Variants in CALB2 observed in about 807,000 individuals in gnomAD.
CALB2 encodes calretinin.
Under a neutral mutation model 45.9 loss-of-function variants are expected in CALB2, and 34 were observed. That is an observed-to-expected ratio of 0.74 (90% CI 0.56 to 0.99). CALB2 has a LOEUF of 0.99. CALB2 is among the 50% of genes least tolerant of loss of function. The pLI, the probability that CALB2 is intolerant of heterozygous loss-of-function variation, is 0.00. For missense variants in CALB2, 344 were observed against 339.3 expected, an observed-to-expected ratio of 1.01 and a Z score of -0.11; for synonymous variants, 142 against 129.6, an observed-to-expected ratio of 1.10 and a Z score of -0.65.
intron 1 of CALB2, among the ~76,000 whole-genome samples, chr16:71,369,656 C>T (rs947622275): frequency 2.0e-5 from 3 of 152,190 alleles, no homozygotes; most frequent in Non-Finnish European, 2.9e-5. Context: ...AACCATGACA[C>T]GCACTCGTGG....
At chr16:71,374,260 A>G (rs929246294) in intron 2 of CALB2, among the ~76,000 whole-genome samples, 1 of 152,228 alleles carries the variant, frequency 6.6e-6, no homozygotes, top group Admixed American at 6.5e-5. Flanking sequence ...TATGAAAATC[A>G]AGAGTGAAAA....
intron 6 of CALB2, among the ~76,000 whole-genome samples, chr16:71,383,727 C>T (rs1199480318): frequency 6.6e-6 from 1 of 152,158 alleles, no homozygotes; most frequent in Non-Finnish European, 1.5e-5. Flanking sequence ...TAGTGCCGGC[C>T]TGCTGTGCCT....
intron 1 of CALB2, among the ~76,000 whole-genome samples, chr16:71,360,552 C>T (rs1028446514): frequency 2.6e-5 from 4 of 152,190 alleles, no homozygotes; most frequent in African/African-American, 4.8e-5. Context: ...TTATCTGCAC[C>T]AGACTTGCAT....
At chr16:71,380,780 T>A (rs556226739) in intron 4 of CALB2, among the ~76,000 whole-genome samples, 3 of 152,232 alleles carry the variant, frequency 2.0e-5, no homozygotes, top group African/African-American at 4.8e-5. Flanking sequence ...CCTGAAATGG[T>A]CCCTCAGTAG....
chr16:71,362,572 T>C (rs531407072), intron 1 of CALB2, among the ~76,000 whole-genome samples: 1 of 152,320 alleles, frequency 6.6e-6, no homozygotes, highest in African/African-American at 2.4e-5. Flanking sequence ...AAAATAAATA[T>C]GGTCATCCCT....
chr16:71,374,627 A>G, intron 2 of CALB2, 118 bp from the exon 3 acceptor site: 1 of 676,490 alleles, frequency 1.5e-6, no homozygotes, highest in Non-Finnish European at 2.7e-6. Context: ...GAGCATCAGC[A>G]CAACTTGGTT....
intron 4 of CALB2, among the ~76,000 whole-genome samples, chr16:71,382,202 G>C (rs938777151): frequency 7.5e-6 from 1 of 132,908 alleles, no homozygotes; most frequent in Admixed American, 7.8e-5. Context: ...AAAAAAATTA[G>C]AAATATGTGG....
At chr16:71,358,994 G>T (rs575232191) in intron 1 of CALB2, 108 bp downstream of exon 1, 21 of 959,680 alleles carry the variant, frequency 2.2e-5, no homozygotes, top group South Asian at 9.4e-5. Flanking sequence ...CCCTCAGGAG[G>T]TGGTCTGGTC....
At chr16:71,389,269 C>T (rs940600951) in intron 10 of CALB2, among the ~76,000 whole-genome samples, 4 of 151,824 alleles carry the variant, frequency 2.6e-5, no homozygotes, top group East Asian at 3.9e-4. Flanking sequence ...GAAGGCAAGA[C>T]CAGGGAGCTT....
At chr16:71,366,257 A>C (rs1422012048) in intron 1 of CALB2, among the ~76,000 whole-genome samples, 3 of 146,780 alleles carry the variant, frequency 2.0e-5, no homozygotes, top group Non-Finnish European at 3.0e-5. Context: ...CAATCTCCTG[A>C]TCTGTGATCC....
chr16:71,369,500 A>AGTGGAGGC (rs895813066), intron 1 of CALB2, among the ~76,000 whole-genome samples: 5 of 152,178 alleles, frequency 3.3e-5, no homozygotes, highest in African/African-American at 1.2e-4. Flanking sequence ...TTCAGAGCTA[A>AGTGGAGGC]GTGGAGGCGG....
At chr16:71,379,087 G>A (rs2042453377) in intron 4 of CALB2, among the ~76,000 whole-genome samples, 1 of 151,998 alleles carries the variant, frequency 6.6e-6, no homozygotes, top group Non-Finnish European at 1.5e-5. Flanking sequence ...GGCCAGCCTG[G>A]GCAACATGGA....
intron 1 of CALB2, among the ~76,000 whole-genome samples, chr16:71,368,261 G>A (rs144919531): frequency 2.6e-5 from 4 of 152,284 alleles, no homozygotes; most frequent in African/African-American, 7.2e-5. Context: ...GGTGGCTCAC[G>A]CCTGTAATCC....
chr16:71,361,797 T>G (rs1431007163), intron 1 of CALB2, among the ~76,000 whole-genome samples: 1 of 152,106 alleles, frequency 6.6e-6, no homozygotes, highest in Non-Finnish European at 1.5e-5. Flanking sequence ...AGCTTTGTGG[T>G]AGAGAAAGGA....
chr16:71,385,532 G>A, intron 9 of CALB2, 45 bp from the exon 10 acceptor site: 2 of 1,571,512 alleles, frequency 1.3e-6, no homozygotes, highest in Non-Finnish European at 1.8e-6. Context: ...GGACAGCAGG[G>A]GCCCAGGCTT....
At chr16:71,373,061 A>C (rs937680396) in intron 2 of CALB2, among the ~76,000 whole-genome samples, 2 of 152,154 alleles carry the variant, frequency 1.3e-5, no homozygotes, top group Non-Finnish European at 2.9e-5. Context: ...GAGTTTGCTA[A>C]AGCCTTTTGG....
At chr16:71,389,500 C>T (rs764784501) in intron 10 of CALB2, 2 of 657,468 alleles carry the variant, frequency 3.0e-6, no homozygotes, top group Non-Finnish European at 5.7e-6. Flanking sequence ...ACCCATTTTA[C>T]AGGTGAGGCA....
rs1171021532 is a variant in CALB2 at position 71,366,024 on chromosome 16, C to CTTTTTTTTTTTTTTTTTTTTT, written c.95-6109_95-6108insTTTTTTTTTTTTTTTTTTTTT. ...TCTTTGTTTTCTTCCCTCTCTCTCTCTTTTTTTTTTTTTTTTTTTTGAGAT... is the reference window on the plus strand; with the variant it reads ...TCTTTGTTTTCTTCCCTCTCTCTCTCTTTTTTTTTTTTTTTTTTTTTTTTTTTTTTTTTTTTTTTTTGAGAT... On this transcript the variant is annotated intron_variant, in intron 1 of 10. Coordinates refer to ENST00000302628, the MANE Select transcript of CALB2 (RefSeq NM_001740.5). Among the ~76,000 whole-genome samples the CTTTTTTTTTTTTTTTTTTTTT allele has an allele frequency of 7.8e-4, 35 of 45,064 alleles. 8 individuals carry two copies. Among genetic ancestry groups the CTTTTTTTTTTTTTTTTTTTTT allele is most frequent in the African/African-American group, 2.8e-3 (29 of 10,424 alleles). 29.6% of individuals were successfully genotyped at this position (45,064 alleles called of 152,430 possible).
intron 7 of CALB2, 89 bp downstream of exon 7, chr16:71,384,114 G>T: frequency 7.0e-7 from 1 of 1,422,334 alleles, no homozygotes; most frequent in Admixed American, 1.7e-5. Context: ...GTGGGAAAGT[G>T]ACAGGTGCGG....
Sources: gnomAD v4.1 joint callset for allele counts (sites outside exome capture counted in the v4.1 genomes callset) on GRCh38, gnomAD v4.1.1 for gene constraint, MANE v1.5 for transcripts, NCBI Gene and HGNC (gene_info 2026-07-23, HGNC 2026-07-21) for gene names.